The following FRAS1 variants were observed in gnomAD, a reference collection of about 807,000 sequenced individuals.
FRAS1 encodes extracellular matrix organizing protein FRAS1.
A neutral mutation model predicts 435.2 loss-of-function variants in FRAS1; 290 were observed. The ratio of observed to expected loss-of-function variants is 0.67; its 90% CI spans 0.61 to 0.73. The LOEUF is 0.73. Among genes scored for constraint, FRAS1 ranks in the 30% least tolerant of loss-of-function variants. The pLI is 0.00. For synonymous variants in FRAS1, 1,800 were observed against 1,851.0 expected (o/e 0.97, Z 0.71); for missense variants, 4,860 against 5,001.5 (o/e 0.97, Z 0.85).
At chr4:78,260,707 C>A (rs1161855464) in intron 6 of FRAS1, among the ~76,000 whole-genome samples, 1 of 152,120 alleles carries the variant, frequency 6.6e-6, no homozygotes, top group Non-Finnish European at 1.5e-5. Context: ...CCTTCTCCTG[C>A]CTAATTACCC....
intron 33 of FRAS1, among the ~76,000 whole-genome samples, chr4:78,420,916 A>ATG (rs1388829010): frequency 1.6e-5 from 2 of 122,638 alleles, no homozygotes; most frequent in African/African-American, 5.7e-5. Flanking sequence ...ATATATATAT[A>ATG]TATATTTATA....
In FRAS1 at chr4:78,515,952, C is replaced by T; in HGVS notation, c.10328C>T (p.Ala3443Val). Reference sequence around the variant, plus strand: ...AAGAGCTGCGTGTGGACCTTTGATGCTTATTATGACATGACTGAGCTGATT... The same window carrying T: ...AAGAGCTGCGTGTGGACCTTTGATGTTTATTATGACATGACTGAGCTGATT... ...NLKSCVWTFDAYYDMTELIDV... is the reference protein window; with the variant it reads ...NLKSCVWTFDVYYDMTELIDV... The change falls in exon 66 of 74, where the codon GCT becomes GTT. Residue 3443 changes from alanine (A) to valine (V), a missense_variant. Ala to Val is a moderately conservative substitution (Grantham distance 64, BLOSUM62 0). Coordinates refer to ENST00000512123, the MANE Select transcript of FRAS1 (RefSeq NM_025074.7). 6.2e-7 allele frequency: 1 copy of T among 1,613,978 alleles called. No individual in the cohort carries two copies. Among genetic ancestry groups the T allele is most frequent in the African/African-American group, 1.3e-5 (1 of 75,054 alleles).
At chr4:78,383,582 C>T (rs950325708) in intron 27 of FRAS1, among the ~76,000 whole-genome samples, 7 of 152,084 alleles carry the variant, frequency 4.6e-5, no homozygotes, top group African/African-American at 1.4e-4. Context: ...AGATGAACAG[C>T]CGTGTAATAC....
chr4:78,182,900 A>AG (rs1722090497), intron 2 of FRAS1, among the ~76,000 whole-genome samples: 1 of 151,408 alleles, frequency 6.6e-6, no homozygotes, highest in Non-Finnish European at 1.5e-5. Flanking sequence ...AAAAAAGAAA[A>AG]AAAAAAATGC....
chr4:78,506,261 G>A (rs573978590), intron 61 of FRAS1, among the ~76,000 whole-genome samples: 64 of 152,294 alleles, frequency 4.2e-4, no homozygotes, highest in African/African-American at 1.4e-3. Context: ...TGCCATGCTG[G>A]GAGAACAACT....
chr4:78,413,169 G>A, intron 32 of FRAS1, 84 bp downstream of exon 32: 2 of 755,952 alleles, frequency 2.6e-6, no homozygotes, highest in South Asian at 2.0e-5. Flanking sequence ...TCCTGGTTTT[G>A]TATATAGTAA....
intron 2 of FRAS1, among the ~76,000 whole-genome samples, chr4:78,105,791 G>C (rs544480958): frequency 1.2e-4 from 18 of 151,946 alleles, no homozygotes; most frequent in African/African-American, 4.3e-4. Context: ...CTCCCAGCGT[G>C]AGCGACGCAG....
intron 2 of FRAS1, among the ~76,000 whole-genome samples, chr4:78,234,707 A>C (rs561460712): frequency 6.6e-6 from 1 of 152,240 alleles, no homozygotes; most frequent in Non-Finnish European, 1.5e-5. Context: ...CTGGGAATGT[A>C]ATCTCACCTC....
At chr4:78,157,100 TTCACCTAGGACAA>T (rs1378331943) in intron 2 of FRAS1, among the ~76,000 whole-genome samples, 4 of 152,220 alleles carry the variant, frequency 2.6e-5, no homozygotes, top group African/African-American at 9.6e-5. Flanking sequence ...TCTGCGTTAA[TTCACCTAGGACAA>T]TGGCCTCCAG....
chr4:78,388,639 G>GTT (rs5859620), intron 29 of FRAS1, among the ~76,000 whole-genome samples: 3 of 144,864 alleles, frequency 2.1e-5, no homozygotes, highest in South Asian at 2.2e-4. Context: ...CTCTACTAAA[G>GTT]TTTTTTTTTT....
chr4:78,218,765 G>T (rs956329566), intron 2 of FRAS1, among the ~76,000 whole-genome samples: 1 of 152,164 alleles, frequency 6.6e-6, no homozygotes, highest in Non-Finnish European at 1.5e-5. Context: ...TGTGGGAGAG[G>T]ACAAGAAACC....
At chr4:78,494,526 T>G (rs4975129) in intron 59 of FRAS1, among the ~76,000 whole-genome samples, 114,363 of 151,988 alleles carry the variant, frequency 0.75, 44,074 homozygotes, top group East Asian at 0.99. Context: ...ATTAACTACC[T>G]TATCTCATGG....
intron 2 of FRAS1, among the ~76,000 whole-genome samples, chr4:78,159,429 T>C (rs1721042561): frequency 6.6e-6 from 1 of 152,212 alleles, no homozygotes; most frequent in African/African-American, 2.4e-5. Context: ...TTCATGTTGC[T>C]ATGGACTGTA....
intron 27 of FRAS1, among the ~76,000 whole-genome samples, chr4:78,383,510 A>G (rs948851927): frequency 6.6e-6 from 1 of 152,176 alleles, no homozygotes; most frequent in South Asian, 2.1e-4. Context: ...CCAGGGAAGA[A>G]TCAGCCATCC....
At chr4:78,077,876 A>AT (rs1322405434) in intron 2 of FRAS1, among the ~76,000 whole-genome samples, 1 of 151,568 alleles carries the variant, frequency 6.6e-6, no homozygotes, top group East Asian at 1.9e-4. Flanking sequence ...TGCTTTATTT[A>AT]TTATACTGAA....
intron 27 of FRAS1, among the ~76,000 whole-genome samples, chr4:78,383,571 G>A (rs1301717584): frequency 6.6e-6 from 1 of 152,128 alleles, no homozygotes; most frequent in Admixed American, 6.5e-5. Flanking sequence ...GGAGTGAGGG[G>A]AGATGAACAG....
In FRAS1 at chr4:78,181,387, T is replaced by A. The variant is rs546090689; in HGVS notation, c.109-56123T>A. The stretch of plus-strand genomic sequence containing the variant: ...CTTTGACAGTTCCCCAGTTGTGAGA[T>A]CCGCTACCTCCACGTTTGTCCTCGT... On this transcript the variant is annotated intron_variant, in intron 2 of 73. Transcript: ENST00000512123. The A allele has an allele frequency of 1.4e-5, 22 of 1,611,972 alleles. No homozygotes were observed. The South Asian group carries it at 1.6e-4, about 12-fold the overall frequency.
At chr4:78,066,708 T>C (rs1336895204) in intron 2 of FRAS1, among the ~76,000 whole-genome samples, 1 of 152,190 alleles carries the variant, frequency 6.6e-6, no homozygotes, top group African/African-American at 2.4e-5. Context: ...TTTATTTTGG[T>C]TTAATAAATG....
chr4:78,249,719 A>G (rs761469497), intron 4 of FRAS1, among the ~76,000 whole-genome samples: 3 of 152,198 alleles, frequency 2.0e-5, no homozygotes, highest in Admixed American at 2.0e-4. Flanking sequence ...ATAAATTTAC[A>G]TGATCAGAGA....
Sources: gnomAD v4.1 joint callset for allele counts (sites outside exome capture counted in the v4.1 genomes callset) on GRCh38, gnomAD v4.1.1 for gene constraint, MANE v1.5 for transcripts, NCBI Gene and HGNC (gene_info 2026-07-23, HGNC 2026-07-21) for gene names.